FOCAD: variants seen among roughly 807,000 people sequenced by gnomAD.
FOCAD encodes the protein focadhesin, also known as KIAA1797.
Under a neutral mutation model 225.6 loss-of-function variants are expected in FOCAD, and 198 were observed. That is an observed-to-expected ratio of 0.88 (90% CI 0.78 to 0.99). The LOEUF is 0.99. FOCAD is among the 50% of genes least tolerant of loss of function. The pLI is 0.00. For synonymous variants in FOCAD, 897 were observed against 755.0 expected (o/e 1.19, Z -3.08); for missense variants, 2,713 against 2,123.6 (o/e 1.28, Z -5.46).
intron 21 of FOCAD, among the ~76,000 whole-genome samples, chr9:20,903,803 T>C (rs1332525057): frequency 6.6e-6 from 1 of 151,962 alleles, no homozygotes; most frequent in African/African-American, 2.4e-5. Context: ...TTAGTACATA[T>C]ACAATGTTGT....
chr9:20,960,147 GTTT>G (rs1554742571), intron 35 of FOCAD, among the ~76,000 whole-genome samples: 2 of 152,128 alleles, frequency 1.3e-5, no homozygotes, highest in Non-Finnish European at 2.9e-5. Context: ...CACTTTTTCA[GTTT>G]TTTCTGTGAC....
At chr9:20,943,899 A>G (rs1275579607) in intron 28 of FOCAD, among the ~76,000 whole-genome samples, 1 of 152,170 alleles carries the variant, frequency 6.6e-6, no homozygotes, top group African/African-American at 2.4e-5. Flanking sequence ...GAGAACAATT[A>G]TTTTCTTTAA....
chr9:20,784,153 C>A (rs915535289), intron 10 of FOCAD, among the ~76,000 whole-genome samples: 3 of 152,156 alleles, frequency 2.0e-5, no homozygotes, highest in Admixed American at 6.5e-5. Flanking sequence ...AACTGGTCCA[C>A]AGGAAACCAC....
chr9:20,777,603 G>C (rs952205226), intron 8 of FOCAD, among the ~76,000 whole-genome samples: 4 of 151,422 alleles, frequency 2.6e-5, no homozygotes, highest in Non-Finnish European at 5.9e-5. Flanking sequence ...AATGAATTAC[G>C]GTAATTCGAA....
intron 1 of FOCAD, among the ~76,000 whole-genome samples, chr9:20,710,229 ATTTTTTTTTTTT>A (rs749860355): frequency 2.2e-4 from 22 of 102,290 alleles, no homozygotes; most frequent in Middle Eastern, 5.9e-3. Flanking sequence ...AGTAGCTGAG[ATTTTTTTTTTTT>A]TTTTTTTTTT....
Position 20,929,230 on chromosome 9 carries a change from T to G in FOCAD, c.3079-128T>G, listed in dbSNP as rs892885308. 1.2e-5 allele frequency: 8 copies of G among 663,548 alleles called. No individual in the cohort carries two copies. The South Asian group carries it at 1.7e-4, about 14-fold the overall frequency. The allele number at this position is 663,548 out of a possible 1,614,324, so 41.1% of individuals were successfully genotyped here. On this transcript the variant is annotated intron_variant, in intron 26 of 43. Coordinates refer to ENST00000338382, the MANE Select transcript of FOCAD (RefSeq NM_001375567.1). ...CAAAAACGTTTGGATTTTTAAAAAATGTATTATTTTGGGTGTCGGCCGGGG... is the reference window on the plus strand; with the variant it reads ...CAAAAACGTTTGGATTTTTAAAAAAGGTATTATTTTGGGTGTCGGCCGGGG...
intron 34 of FOCAD, among the ~76,000 whole-genome samples, chr9:20,951,841 T>C (rs1387256022): frequency 6.6e-6 from 1 of 152,222 alleles, no homozygotes; most frequent in Non-Finnish European, 1.5e-5. Flanking sequence ...CTGGCTATCT[T>C]GGACCCAGGC....
At chr9:20,853,165 C>G (rs1827838342) in intron 15 of FOCAD, among the ~76,000 whole-genome samples, 2 of 151,734 alleles carry the variant, frequency 1.3e-5, no homozygotes, top group Non-Finnish European at 3.0e-5. Context: ...GTGAATGTCC[C>G]TATAGGGAGT....
At chr9:20,907,642 T>A (rs947182440) in intron 22 of FOCAD, among the ~76,000 whole-genome samples, 1 of 152,082 alleles carries the variant, frequency 6.6e-6, no homozygotes, top group African/African-American at 2.4e-5. Flanking sequence ...CATATTTTTA[T>A]GTTTCAGTCT....
intron 11 of FOCAD, among the ~76,000 whole-genome samples, chr9:20,806,401 T>C (rs1222703253): frequency 4.6e-5 from 7 of 152,322 alleles, no homozygotes; most frequent in Non-Finnish European, 1.0e-4. Flanking sequence ...TTTCTGAAGA[T>C]GCTAGGAATC....
chr9:20,679,875 C>G (rs1297830522), upstream of FOCAD, among the ~76,000 whole-genome samples: 1 of 148,596 alleles, frequency 6.7e-6, no homozygotes, highest in Non-Finnish European at 1.5e-5. Flanking sequence ...GTCTAGCGCA[C>G]CCTCCACAGG....
intron 7 of FOCAD, among the ~76,000 whole-genome samples, chr9:20,767,235 T>G (rs1342839171): frequency 1.3e-5 from 2 of 151,436 alleles, no homozygotes; most frequent in African/African-American, 4.9e-5. Flanking sequence ...TTTTGGACAT[T>G]TGGGTTGGTT....
intron 37 of FOCAD, among the ~76,000 whole-genome samples, chr9:20,980,356 T>C (rs1259435372): frequency 6.6e-6 from 1 of 152,168 alleles, no homozygotes; most frequent in African/African-American, 2.4e-5. Flanking sequence ...TCACTCCTTC[T>C]TACTTTTGAA....
intron 1 of FOCAD, among the ~76,000 whole-genome samples, chr9:20,702,522 T>G (rs1213135483): frequency 6.6e-6 from 1 of 152,236 alleles, no homozygotes; most frequent in Non-Finnish European, 1.5e-5. Context: ...CTTACATAAT[T>G]AGGCAATTAA....
intron 1 of FOCAD, among the ~76,000 whole-genome samples, chr9:20,687,488 C>T (rs1333328509): frequency 6.6e-6 from 1 of 152,172 alleles, no homozygotes; most frequent in Non-Finnish European, 1.5e-5. Context: ...ATTTGGCCTA[C>T]CTGCTTTCAT....
intron 10 of FOCAD, among the ~76,000 whole-genome samples, chr9:20,789,078 G>C (rs1820247598): frequency 6.6e-6 from 1 of 151,392 alleles, no homozygotes; most frequent in Non-Finnish European, 1.5e-5. Context: ...TTTGTATATT[G>C]ATCCATATAT....
intron 28 of FOCAD, 25 bp from the exon 29 acceptor site, chr9:20,944,602 C>T (rs759985953): frequency 3.1e-5 from 49 of 1,605,694 alleles, no homozygotes; most frequent in Non-Finnish European, 3.7e-5. Context: ...ATGATCCTAA[C>T]ATCTTATCTT....
At chr9:20,812,284 T>A (rs1251985198) in intron 11 of FOCAD, among the ~76,000 whole-genome samples, 1 of 152,044 alleles carries the variant, frequency 6.6e-6, no homozygotes, top group African/African-American at 2.4e-5. Context: ...ATATCTCATA[T>A]AGTAATAAAG....
chr9:20,769,863 G>A (rs925632325), intron 7 of FOCAD, among the ~76,000 whole-genome samples, 169 bp from the exon 8 acceptor site: 1 of 152,208 alleles, frequency 6.6e-6, no homozygotes, highest in African/African-American at 2.4e-5. Context: ...AGAGGATAAG[G>A]TGCAGTTGTA....
Sources: gnomAD v4.1 joint callset for allele counts (sites outside exome capture counted in the v4.1 genomes callset) on GRCh38, gnomAD v4.1.1 for gene constraint, MANE v1.5 for transcripts, NCBI Gene and HGNC (gene_info 2026-07-23, HGNC 2026-07-21) for gene names.